Variants in UNC5C observed in about 807,000 individuals in gnomAD.
The protein encoded by UNC5C is unc-5 netrin receptor C, also known as netrin receptor UNC5C.
A neutral mutation model predicts 99.8 loss-of-function variants in UNC5C; 47 were observed. The ratio of observed to expected loss-of-function variants is 0.47; its 90% confidence interval spans 0.37 to 0.60. UNC5C has a LOEUF of 0.60. Among genes scored for constraint, UNC5C ranks in the 20% least tolerant of loss-of-function variants. UNC5C has a pLI of 0.00. For missense variants in UNC5C, 1,062 were observed against 1,165.9 expected, an observed-to-expected ratio of 0.91 and a Z score of 1.30; for synonymous variants, 487 against 452.2, an observed-to-expected ratio of 1.08 and a Z score of -0.98.
chr4:95,371,813 A>G (rs972478518), intron 1 of UNC5C, among the ~76,000 whole-genome samples: 29 of 152,144 alleles, frequency 1.9e-4, no homozygotes, highest in African/African-American at 6.5e-4. Flanking sequence ...TCAAATTTTC[A>G]CCCAATAAAA....
At chr4:95,290,792 A>T (rs534315184) in intron 3 of UNC5C, among the ~76,000 whole-genome samples, 2 of 152,298 alleles carry the variant, frequency 1.3e-5, no homozygotes, top group African/African-American at 4.8e-5. Context: ...TTGCTTTTGT[A>T]AGGGGTAAAG....
intron 1 of UNC5C, among the ~76,000 whole-genome samples, chr4:95,424,406 G>T (rs1246592950): frequency 6.6e-6 from 1 of 151,370 alleles, no homozygotes; most frequent in Admixed American, 6.6e-5. Flanking sequence ...CTGGCTGACG[G>T]CTTCATATAT....
At chr4:95,371,178 G>A (rs1461621311) in intron 1 of UNC5C, among the ~76,000 whole-genome samples, 3 of 152,132 alleles carry the variant, frequency 2.0e-5, no homozygotes, top group Non-Finnish European at 2.9e-5. Flanking sequence ...CTTCAGTGAG[G>A]CAGCCTTCCC....
chr4:95,230,185 TC>T (rs1304414069), intron 7 of UNC5C, among the ~76,000 whole-genome samples: 2 of 152,190 alleles, frequency 1.3e-5, no homozygotes, highest in Non-Finnish European at 2.9e-5. Flanking sequence ...GATTTGCATT[TC>T]TCTAATGACC....
intron 1 of UNC5C, among the ~76,000 whole-genome samples, chr4:95,494,728 A>G (rs1721584625): frequency 6.6e-6 from 1 of 151,572 alleles, no homozygotes; most frequent in African/African-American, 2.4e-5. Flanking sequence ...ACATTTAAAT[A>G]TACAATTTAA....
intron 1 of UNC5C, among the ~76,000 whole-genome samples, chr4:95,434,299 TTTATCTC>T (rs1355311693): frequency 1.3e-5 from 2 of 152,090 alleles, no homozygotes; most frequent in Admixed American, 6.6e-5. Flanking sequence ...AAATTTATCT[TTTATCTC>T]TTCCTCTTCA....
chr4:95,250,038 G>C (rs576386366), intron 5 of UNC5C, among the ~76,000 whole-genome samples: 1 of 152,134 alleles, frequency 6.6e-6, no homozygotes. Flanking sequence ...GGTGGTGCAG[G>C]TTCTGGAGAG....
chr4:95,272,658 CT>C (rs1329453045), intron 4 of UNC5C, among the ~76,000 whole-genome samples: 1 of 152,176 alleles, frequency 6.6e-6, no homozygotes, highest in Non-Finnish European at 1.5e-5. Context: ...GAACCTAATA[CT>C]TTTGAAAACC....
rs142522824 is a variant in UNC5C at position 95,407,635 on chromosome 4, G to A, written c.125-72004C>T. ...GTAGAAATCTAAGGATGAGGAGAGAGAGAGAGGCACAAAGAGACAAGTTAT... is the reference window on the plus strand; with the variant it reads ...GTAGAAATCTAAGGATGAGGAGAGAAAGAGAGGCACAAAGAGACAAGTTAT... On this transcript the variant is annotated intron_variant, in intron 1 of 15. Transcript: ENST00000453304. Among the ~76,000 whole-genome samples the A allele has an allele frequency of 7.9e-3, 1,204 of 152,296 alleles. 19 individuals are homozygous for A. The highest frequency in any genetic ancestry group is 0.027 in the African/African-American group (1,124 of 41,552).
At chr4:95,367,351 TGTTTTTCCTTAGAGACTGG>T (rs1744605587) in intron 1 of UNC5C, among the ~76,000 whole-genome samples, 1 of 151,932 alleles carries the variant, frequency 6.6e-6, no homozygotes, top group African/African-American at 2.4e-5. Context: ...TTGTATTTTA[TGTTTTTCCTTAGAGACTGG>T]GTTTCGCCAT....
rs192409034 is a variant in UNC5C at position 95,279,590 on chromosome 4, T to A, written c.491-1228A>T. On this transcript the variant is annotated intron_variant, in intron 3 of 15. Transcript: ENST00000453304. ...ATAGAACTTTGAAGCAGCATTTTTT[T>A]AAAATGCCTACAAAAATTTTATTTC... Among the ~76,000 whole-genome samples the A allele has an allele frequency of 3.1e-3, 466 of 152,368 alleles. 1 individual carries two copies. Among genetic ancestry groups the A allele is most frequent in the South Asian group, 6.6e-3 (32 of 4,830 alleles).
chr4:95,362,228 G>A (rs575953653), intron 1 of UNC5C, among the ~76,000 whole-genome samples: 129 of 152,110 alleles, frequency 8.5e-4, no homozygotes, highest in African/African-American at 2.8e-3. Flanking sequence ...CACGTGGTTC[G>A]GTTTCCCACT....
chr4:95,396,962 G>A (rs1228595813), intron 1 of UNC5C, among the ~76,000 whole-genome samples: 2 of 152,056 alleles, frequency 1.3e-5, no homozygotes, highest in African/African-American at 4.8e-5. Context: ...CAACATTTAC[G>A]AAGCCCCTCT....
Position 95,498,510 on chromosome 4 carries a change from T to C in UNC5C, c.124+50224A>G, listed in dbSNP as rs971096998. Among the ~76,000 whole-genome samples, 4 of 152,030 alleles carry C rather than the reference T, an allele frequency of 2.6e-5. No homozygotes were observed. The South Asian group carries it at 6.2e-4, about 24-fold the overall frequency. On this transcript the variant is annotated intron_variant, in intron 1 of 15. Coordinates refer to ENST00000453304, the MANE Select transcript of UNC5C (RefSeq NM_003728.4). Reference sequence around the variant, plus strand: ...CTGAATGAGATACTCCTTACCAAAGTACTCTAAAAAGTAAAAAGTGTATAC... The same window carrying C: ...CTGAATGAGATACTCCTTACCAAAGCACTCTAAAAAGTAAAAAGTGTATAC...
intron 12 of UNC5C, among the ~76,000 whole-genome samples, chr4:95,199,759 C>T (rs369967007): frequency 5.9e-5 from 9 of 152,044 alleles, no homozygotes; most frequent in East Asian, 5.8e-4. Context: ...TTCTATGGTA[C>T]GCTTTTGCAA....
intron 7 of UNC5C, chr4:95,222,323 A>G (rs1036811788): frequency 1.1e-5 from 12 of 1,080,952 alleles, no homozygotes; most frequent in Non-Finnish European, 1.5e-5. Context: ...TAATGAGGGA[A>G]AGAAAATAGG....
At chr4:95,541,374 AG>A (rs1302174159) in intron 1 of UNC5C, among the ~76,000 whole-genome samples, 1 of 152,186 alleles carries the variant, frequency 6.6e-6, no homozygotes, top group Non-Finnish European at 1.5e-5. Context: ...ATGAAAAAAA[AG>A]CAGTGTAGAT....
At chr4:95,481,022 G>C (rs1347820180) in intron 1 of UNC5C, among the ~76,000 whole-genome samples, 4 of 148,748 alleles carry the variant, frequency 2.7e-5, no homozygotes, top group East Asian at 2.0e-4. Flanking sequence ...AATTAGGCAG[G>C]AGAAGGAAAT....
chr4:95,488,414 C>T (rs1721385602), intron 1 of UNC5C, among the ~76,000 whole-genome samples: 1 of 151,674 alleles, frequency 6.6e-6, no homozygotes, highest in Admixed American at 6.6e-5. Flanking sequence ...TCCAGCTCTC[C>T]GTAGCTTTTT....
Sources: gnomAD v4.1 joint callset for allele counts (sites outside exome capture counted in the v4.1 genomes callset) on GRCh38, gnomAD v4.1.1 for gene constraint, MANE v1.5 for transcripts, NCBI Gene and HGNC (gene_info 2026-07-23, HGNC 2026-07-21) for gene names.